The following VAMP4 variants were observed in gnomAD, a reference collection of about 807,000 sequenced individuals.
VAMP4 encodes vesicle associated membrane protein 4.
A neutral mutation model predicts 23.5 loss-of-function variants in VAMP4; 19 were observed. The ratio of observed to expected loss-of-function variants is 0.81; its 90% CI spans 0.56 to 1.19. VAMP4 has a LOEUF of 1.19. Ranked by LOEUF, VAMP4 falls within the 50% of genes most tolerant of loss-of-function variation. The pLI, the probability that VAMP4 is intolerant of heterozygous loss-of-function variation, is 0.00. For synonymous variants in VAMP4, 31 were observed against 51.0 expected (o/e 0.61, Z 1.67); for missense variants, 145 against 168.6 (o/e 0.86, Z 0.78).
chr1:171,723,545 C>G (rs1279527584), intron 3 of VAMP4, among the ~76,000 whole-genome samples: 1 of 152,242 alleles, frequency 6.6e-6, no homozygotes, highest in Non-Finnish European at 1.5e-5. Context: ...AAATATGGCT[C>G]TGTTCTGCCC....
rs1654408219 is a variant in VAMP4 at position 171,700,941 on chromosome 1, C to T, written c.*3565G>A. 6.6e-6 allele frequency: 1 copy of T among 151,810 alleles called. No individual in the cohort carries two copies. Among genetic ancestry groups the T allele is most frequent in the African/African-American group, 2.4e-5 (1 of 41,302 alleles). 9.4% of individuals were successfully genotyped at this position (151,810 alleles called of 1,614,324 possible). On this transcript the variant is annotated 3_prime_UTR_variant, in exon 8 of 8. Transcript: ENST00000236192. ...AATAAAACAGAAGCCAGAATAAATG[C>T]ATTTGTATTCCCATCCCTAATTCTA...
At chr1:171,720,707 G>A (rs928178443) in intron 3 of VAMP4, among the ~76,000 whole-genome samples, 1 of 151,954 alleles carries the variant, frequency 6.6e-6, no homozygotes, top group Non-Finnish European at 1.5e-5. Flanking sequence ...GATTTGTTCA[G>A]TTGTCAATTC....
Position 171,719,156 on chromosome 1 carries a change from A to G in VAMP4, c.164+15T>C, listed in dbSNP as rs772238803. The G allele has an allele frequency of 1.2e-6, 2 of 1,609,372 alleles. No individual in the cohort carries two copies. The highest frequency in any genetic ancestry group is 1.7e-6 in the Non-Finnish European group (2 of 1,177,768). The stretch of plus-strand genomic sequence containing the variant: ...AGAAATATGATTATCATTTAAACAA[A>G]TGAACAAAACTTACTGCTTAATTTT... On this transcript the variant is annotated intron_variant, in intron 4 of 7. Coordinates refer to ENST00000236192, the MANE Select transcript of VAMP4 (RefSeq NM_003762.5).
Position 171,709,775 on chromosome 1 carries a change from TA to T in VAMP4, c.266-32del, listed in dbSNP as rs561247366. 1.6e-4 allele frequency: 248 copies of T among 1,527,116 alleles called. No individual in the cohort carries two copies. In the African/African-American group the frequency reaches 3.2e-3, roughly 20 times the overall value. The allele number at this position is 1,527,116 out of a possible 1,614,324, so 94.6% of individuals were successfully genotyped here. The stretch of plus-strand genomic sequence containing the variant: ...TCACATAGAGGATGGAGAGAAGGAT[TA>T]AACGACATAACAGGATTCTTTTATC... On this transcript the variant is annotated intron_variant, in intron 5 of 7. Coordinates refer to ENST00000236192, the MANE Select transcript of VAMP4 (RefSeq NM_003762.5).
chr1:171,710,686 A>G, intron 5 of VAMP4, 28 bp downstream of exon 5: 1 of 1,520,450 alleles, frequency 6.6e-7, no homozygotes, highest in Non-Finnish European at 9.0e-7. Context: ...CAGATTAGTA[A>G]TATCAAGAAA....
chr1:171,709,774 T>A (rs1417820062), intron 5 of VAMP4, 30 bp from the exon 6 acceptor site: 1 of 1,533,532 alleles, frequency 6.5e-7, no homozygotes, highest in Middle Eastern at 1.7e-4. Flanking sequence ...GAGAGAAGGA[T>A]TAAACGACAT....
Position 171,709,757 on chromosome 1 carries a change from G to C in VAMP4, c.266-13C>G, listed in dbSNP as rs201468268. On this transcript the variant is annotated splice_polypyrimidine_tract_variant and intron_variant, in intron 5 of 7. Coordinates refer to ENST00000236192, the MANE Select transcript of VAMP4 (RefSeq NM_003762.5). ...TCCGATAAGCTTTCTATATCACATA[G>C]AGGATGGAGAGAAGGATTAAACGAC... The C allele has an allele frequency of 6.3e-7, 1 of 1,594,722 alleles. No individual in the cohort carries two copies. The highest frequency in any genetic ancestry group is 8.6e-7 in the Non-Finnish European group (1 of 1,162,946).
chr1:171,714,080 C>T (rs1654949671), intron 4 of VAMP4, among the ~76,000 whole-genome samples: 1 of 152,176 alleles, frequency 6.6e-6, no homozygotes, highest in East Asian at 1.9e-4. Flanking sequence ...TGGTGTAACA[C>T]TCTGAATCCA....
intron 7 of VAMP4, among the ~76,000 whole-genome samples, chr1:171,705,525 T>TA (rs1005101351): frequency 1.3e-5 from 2 of 152,070 alleles, no homozygotes; most frequent in Non-Finnish European, 2.9e-5. Flanking sequence ...TTGGGGGACT[T>TA]ACAATTTTTT....
At chr1:171,728,820 G>C (rs1466094999) in intron 2 of VAMP4, among the ~76,000 whole-genome samples, 1 of 152,206 alleles carries the variant, frequency 6.6e-6, no homozygotes, top group Non-Finnish European at 1.5e-5. Flanking sequence ...GGTCACTGAA[G>C]CTGGTATGGG....
chr1:171,740,889 C>T (rs1479266567), intron 1 of VAMP4, among the ~76,000 whole-genome samples: 2 of 152,160 alleles, frequency 1.3e-5, no homozygotes, highest in African/African-American at 4.8e-5. Context: ...AGCCCATCAG[C>T]AAAGCAGTAG....
chr1:171,708,182 C>G (rs953556375), intron 6 of VAMP4, among the ~76,000 whole-genome samples: 1 of 151,490 alleles, frequency 6.6e-6, no homozygotes, highest in Non-Finnish European at 1.5e-5. Flanking sequence ...GCCTGTAATT[C>G]CAGCTACTCG....
chr1:171,716,878 C>T (rs1357516835), intron 4 of VAMP4, among the ~76,000 whole-genome samples: 4 of 152,162 alleles, frequency 2.6e-5, no homozygotes, highest in East Asian at 1.9e-4. Context: ...GCTTGATGAA[C>T]GACCTTATTC....
chr1:171,703,471 A>ACC lies in VAMP4; in HGVS notation c.*1034_*1035insGG, dbSNP rs1654540606. ...TATATATATATATATATATATATAC[A>ACC]CATAGGTTCCTGACTTTCTACTACT... On this transcript the variant is annotated 3_prime_UTR_variant, in exon 8 of 8. Transcript: ENST00000236192. 2 of 113,268 alleles carry ACC rather than the reference A, an allele frequency of 1.8e-5. No homozygotes were observed. The highest frequency in any genetic ancestry group is 6.7e-5 in the African/African-American group (2 of 29,944). 7.0% of individuals were successfully genotyped at this position (113,268 alleles called of 1,614,324 possible). A position where few individuals can be genotyped will look rare whatever the true frequency, so the allele number is the denominator to read the frequency against.
intron 2 of VAMP4, among the ~76,000 whole-genome samples, chr1:171,734,312 C>A (rs779257396): frequency 1.4e-5 from 2 of 147,414 alleles, no homozygotes; most frequent in African/African-American, 5.0e-5. Context: ...TGCACTATAA[C>A]GTTGAGGAAT....
rs1181508310 is a variant in VAMP4, at chr1:171,703,421, GTGTGTATA to G, written c.*1077_*1084del. 6 of 87,536 alleles carry G rather than the reference GTGTGTATA, an allele frequency of 6.9e-5. No homozygotes were observed. Among genetic ancestry groups the G allele is most frequent in the East Asian group, 3.3e-4 (1 of 3,050 alleles). The allele number at this position is 87,536 out of a possible 1,614,324, so 5.4% of individuals were successfully genotyped here. ...TGTGTGTGTGTGTGTGTGTGTGTTT[GTGTGTATA>G]TATATATATATATATATATATATAT... On this transcript the variant is annotated 3_prime_UTR_variant, in exon 8 of 8. Coordinates refer to ENST00000236192, the MANE Select transcript of VAMP4 (RefSeq NM_003762.5).
chr1:171,712,808 A>T (rs1018697016), intron 4 of VAMP4, among the ~76,000 whole-genome samples: 2 of 152,226 alleles, frequency 1.3e-5, no homozygotes, highest in East Asian at 3.8e-4. Flanking sequence ...CCTACTATGT[A>T]CTGTTTTAGG....
At chr1:171,709,996 A>G (rs1325513553) in intron 5 of VAMP4, among the ~76,000 whole-genome samples, 1 of 152,128 alleles carries the variant, frequency 6.6e-6, no homozygotes, top group Admixed American at 6.6e-5. Context: ...AATTAAGAAA[A>G]GTCTTTTTAG....
At chr1:171,734,016 C>T (rs1655647633) in intron 2 of VAMP4, among the ~76,000 whole-genome samples, 1 of 152,030 alleles carries the variant, frequency 6.6e-6, no homozygotes, top group South Asian at 2.1e-4. Context: ...TGAAGATCTC[C>T]CAGCACTTTG....
Sources: gnomAD v4.1 joint callset for allele counts (sites outside exome capture counted in the v4.1 genomes callset) on GRCh38, gnomAD v4.1.1 for gene constraint, MANE v1.5 for transcripts, NCBI Gene and HGNC (gene_info 2026-07-23, HGNC 2026-07-21) for gene names.